Variants in SMG6 observed in about 807,000 individuals in gnomAD.
The protein encoded by SMG6 is telomerase-binding protein EST1A.
In SMG6, 66 loss-of-function variants were observed where a neutral mutation model predicts 142.2. That is an observed-to-expected ratio of 0.46 (90% confidence interval 0.38 to 0.57). SMG6 has a LOEUF of 0.57. Ranked by LOEUF, SMG6 falls within the 20% of genes least tolerant of loss-of-function variation. The pLI, the probability that SMG6 is intolerant of heterozygous loss-of-function variation, is 0.00. For missense variants in SMG6, 1,793 were observed against 1,832.0 expected (o/e 0.98, Z 0.39); for synonymous variants, 779 against 702.4 (o/e 1.11, Z -1.72).
chr17:2,100,099 A>G (rs1189435650), intron 13 of SMG6, among the ~76,000 whole-genome samples: 2 of 148,576 alleles, frequency 1.3e-5, no homozygotes, highest in East Asian at 2.0e-4. Flanking sequence ...GTGCAGTGGC[A>G]CAATCTTGGC....
chr17:2,267,764 T>C (rs1042477399), intron 8 of SMG6, among the ~76,000 whole-genome samples: 2 of 150,784 alleles, frequency 1.3e-5, no homozygotes, highest in African/African-American at 4.9e-5. Context: ...TTTTTTTTTT[T>C]TGAGACAGAG....
chr17:2,181,903 A>G (rs2071817951), intron 12 of SMG6, among the ~76,000 whole-genome samples: 1 of 152,224 alleles, frequency 6.6e-6, no homozygotes, highest in Non-Finnish European at 1.5e-5. Context: ...ACAAAAGCCA[A>G]AAGGGAGTGA....
At position 2,085,290 on chromosome 17, in the gene SMG6, T is replaced by G. The variant is rs2068528720; in HGVS notation, c.3534+435A>C. The stretch of plus-strand genomic sequence containing the variant: ...GAGGGAGGGAACAAGGGAGGGAGGG[T>G]AGGGCAGGGGAGGGGTGATTTTCCA... On this transcript the variant is annotated intron_variant, in intron 14 of 18. Coordinates refer to ENST00000263073, the MANE Select transcript of SMG6 (RefSeq NM_017575.5). The surrounding 1 kb of genome is among the most constrained non-coding windows in gnomAD (Gnocchi z 4.1). Among the ~76,000 whole-genome samples, 1 of 134,228 alleles carries G rather than the reference T, an allele frequency of 7.5e-6. No individual in the cohort carries two copies. Among genetic ancestry groups the G allele is most frequent in the African/African-American group, 2.9e-5 (1 of 34,946 alleles). The allele number at this position is 134,228 out of a possible 152,430, so 88.1% of individuals were successfully genotyped here.
rs1265481304 is a variant in SMG6, at chr17:2,185,596, TAC to T, written c.3155+1065_3155+1066del. Among the ~76,000 whole-genome samples the T allele has an allele frequency of 2.0e-5, 3 of 151,880 alleles. No individual in the cohort carries two copies. The East Asian group carries it at 5.8e-4, about 29-fold the overall frequency. On this transcript the variant is annotated intron_variant, in intron 12 of 18. Coordinates refer to ENST00000263073, the MANE Select transcript of SMG6 (RefSeq NM_017575.5). ...CTCCAACACCTGCCCCCGCCCCCAA[TAC>T]ACAAATGCTCTCTGCTATACACAAA...
chr17:2,300,193 G>C lies in SMG6; in HGVS notation c.560C>G (p.Ala187Gly), dbSNP rs749847056. 1 of 1,613,568 alleles carries C rather than the reference G, an allele frequency of 6.2e-7. No homozygotes were observed. Among genetic ancestry groups the C allele is most frequent in the Non-Finnish European group, 8.5e-7 (1 of 1,179,880 alleles). The change falls in exon 2 of 19, where the codon GCG (alanine) becomes GGG (glycine). Residue 187 changes from alanine to glycine, a missense_variant. By Grantham distance (60) the Ala-to-Gly change is moderately conservative. This residue lies in a region of SMG6 where 1,597 missense variants were observed against 1,584.6 expected (regional missense o/e 1.01). Coordinates refer to ENST00000263073, the MANE Select transcript of SMG6 (RefSeq NM_017575.5). ...VEEDECRGNV[A>G]KEEVANKPDR... is the part of the protein sequence containing the mutation. ...TGGTTTATTCGCAACTTCCTCCTTC[G>C]CAACATTTCCCCTACACTCATCTTC...
At chr17:2,201,961 T>C (rs749976052) in intron 10 of SMG6, among the ~76,000 whole-genome samples, 2 of 151,384 alleles carry the variant, frequency 1.3e-5, no homozygotes, top group East Asian at 3.9e-4. Flanking sequence ...AAGGTGGAGG[T>C]TGTAGTGAGC....
In SMG6 at chr17:2,269,591, T is replaced by C. The variant is rs567749605; in HGVS notation, c.2661+13056A>G. On this transcript the variant is annotated intron_variant, in intron 8 of 18. Coordinates refer to ENST00000263073, the MANE Select transcript of SMG6 (RefSeq NM_017575.5). ...CTTTGCTAACCAACTTTCACTTTGC[T>C]GGTCTACTGATTAAATGCAAAAAGA... 1.1e-4 allele frequency among the ~76,000 whole-genome samples: 17 copies of C among 152,316 alleles called. No individual in the cohort carries two copies. In the South Asian group the frequency reaches 3.5e-3, roughly 32 times the overall value.
intron 15 of SMG6, among the ~76,000 whole-genome samples, chr17:2,075,901 G>A (rs1353920533): frequency 2.6e-5 from 4 of 152,202 alleles, no homozygotes; most frequent in Non-Finnish European, 4.4e-5. Flanking sequence ...GGCTCTGAGA[G>A]CTCCCCACAC....
intron 8 of SMG6, among the ~76,000 whole-genome samples, chr17:2,251,929 C>T (rs1278487025): frequency 6.6e-6 from 1 of 151,492 alleles, no homozygotes; most frequent in African/African-American, 2.4e-5. Flanking sequence ...TGGAGAAACC[C>T]CATCTCTACT....
chr17:2,120,892 A>G (rs1567613532), intron 13 of SMG6, among the ~76,000 whole-genome samples: 1 of 152,184 alleles, frequency 6.6e-6, no homozygotes. Flanking sequence ...GCTGTAGGGC[A>G]GGGGTATCCT....
At chr17:2,292,827 G>C (rs1016919536) in intron 5 of SMG6, 44 bp downstream of exon 5, 4 of 1,558,702 alleles carry the variant, frequency 2.6e-6, no homozygotes, top group Non-Finnish European at 3.5e-6. Flanking sequence ...GCTTAGCTTA[G>C]AGCCACATAG....
chr17:2,210,381 G>C (rs994906276), intron 10 of SMG6, among the ~76,000 whole-genome samples: 1 of 150,994 alleles, frequency 6.6e-6, no homozygotes, highest in Admixed American at 6.6e-5. Context: ...TCAGCCTCTT[G>C]AGTAGCTGGG....
chr17:2,104,296 A>T (rs561507959), intron 13 of SMG6, among the ~76,000 whole-genome samples: 1 of 152,114 alleles, frequency 6.6e-6, no homozygotes, highest in Non-Finnish European at 1.5e-5. Flanking sequence ...GGGTTTCACC[A>T]TGTTGGCCAG....
chr17:2,230,164 C>A (rs1339747382), intron 10 of SMG6, among the ~76,000 whole-genome samples: 1 of 113,566 alleles, frequency 8.8e-6, no homozygotes, highest in Admixed American at 1.2e-4. Context: ...CCAGCCTGGG[C>A]CACAGAGCAA....
rs748196984 is a variant in SMG6, at chr17:2,068,979, G to C, written c.3682-48C>G. 2 of 1,599,634 alleles carry C rather than the reference G, an allele frequency of 1.3e-6. No homozygotes were observed. Among genetic ancestry groups the C allele is most frequent in the Admixed American group, 3.4e-5 (2 of 59,414 alleles). On this transcript the variant is annotated intron_variant, in intron 15 of 18. Transcript: ENST00000263073. This position sits in a 1 kb window ranked among gnomAD's most constrained non-coding sequence, Gnocchi z 6.7. Reference sequence around the variant, plus strand: ...GAGCCAGACAGCGAGCAGGCAAGCAGGTGGGTGAGCCAGGGCCCTGACACT... The same window carrying C: ...GAGCCAGACAGCGAGCAGGCAAGCACGTGGGTGAGCCAGGGCCCTGACACT...
chr17:2,142,160 C>T (rs527299065), intron 13 of SMG6, among the ~76,000 whole-genome samples: 21 of 152,202 alleles, frequency 1.4e-4, no homozygotes, highest in Non-Finnish European at 2.1e-4. Context: ...CCAGCTTCTC[C>T]CAGTCCTTAT....
At chr17:2,282,334 C>T (rs764109358) in intron 8 of SMG6, among the ~76,000 whole-genome samples, 4 of 118,500 alleles carry the variant, frequency 3.4e-5, no homozygotes, top group Non-Finnish European at 6.7e-5. Context: ...AAGATAAGTA[C>T]AAAATCCCAC....
chr17:2,252,660 G>A (rs189566034), intron 8 of SMG6, among the ~76,000 whole-genome samples: 2 of 152,144 alleles, frequency 1.3e-5, no homozygotes, highest in Admixed American at 1.3e-4. Context: ...ACAACCCTGA[G>A]TGTATGTCTA....
At chr17:2,295,678 C>T (rs1264835382) in intron 4 of SMG6, among the ~76,000 whole-genome samples, 1 of 152,120 alleles carries the variant, frequency 6.6e-6, no homozygotes, top group Non-Finnish European at 1.5e-5. Flanking sequence ...CCAACTTTTG[C>T]TTCAACCACC....
Sources: allele counts gnomAD v4.1 joint callset (sites outside exome capture counted in the v4.1 genomes callset), GRCh38; gene constraint gnomAD v4.1.1; regional missense constraint gnomAD v4.1.1; non-coding constraint Gnocchi (gnomAD v3.1); transcripts MANE v1.5; gene names NCBI Gene and HGNC (gene_info 2026-07-23, HGNC 2026-07-21).